Variants in PGM3 observed in about 807,000 individuals in gnomAD.
PGM3 encodes the protein phosphoacetylglucosamine mutase.
A neutral mutation model predicts 66.2 loss-of-function variants in PGM3; 40 were observed. The observed-to-expected ratio is 0.60, with a 90% CI of 0.47 to 0.79. The LOEUF is 0.79. PGM3 is among the 30% of genes least tolerant of loss of function. The probability of loss-of-function intolerance (pLI) is 0.00; values close to 1 mark genes in which losing one functional copy is unlikely to be tolerated. For missense variants in PGM3, 537 were observed against 643.4 expected, an observed-to-expected ratio of 0.83 and a Z score of 1.79; for synonymous variants, 191 against 224.2, an observed-to-expected ratio of 0.85 and a Z score of 1.32.
Position 83,167,700 on chromosome 6 carries a change from G to A in PGM3, c.*1534C>T. On this transcript the variant is annotated 3_prime_UTR_variant, in exon 13 of 13. Transcript: ENST00000513973. ...GTAAAACTAATAAATGGCAGTAAAAGGTCTCAGAAGCACCAAGGGTTTTGA... is the reference window on the plus strand; with the variant it reads ...GTAAAACTAATAAATGGCAGTAAAAAGTCTCAGAAGCACCAAGGGTTTTGA... 2 of 1,389,180 alleles carry A rather than the reference G, an allele frequency of 1.4e-6. No individual in the cohort carries two copies. Among genetic ancestry groups the A allele is most frequent in the East Asian group, 5.2e-5 (2 of 38,290 alleles). The allele number at this position is 1,389,180 out of a possible 1,614,324, so 86.1% of individuals were successfully genotyped here.
At chr6:83,164,405 C>G (rs1356280925), downstream of PGM3, among the ~76,000 whole-genome samples, 2 of 151,812 alleles carry the variant, frequency 1.3e-5, no homozygotes, top group Non-Finnish European at 2.9e-5. Flanking sequence ...AATCCAGAAG[C>G]AAATATGACC....
intron 10 of PGM3, among the ~76,000 whole-genome samples, chr6:83,173,788 G>C (rs1238512262): frequency 6.6e-6 from 1 of 152,180 alleles, no homozygotes; most frequent in Non-Finnish European, 1.5e-5. Context: ...CCAGGCTGGA[G>C]TGCAGTGGCG....
intron 12 of PGM3, chr6:83,169,581 A>C: frequency 4.1e-6 from 2 of 488,330 alleles, no homozygotes; most frequent in South Asian, 2.0e-5. Context: ...ATCATTCCAC[A>C]ACTGAAAAAA....
intron 7 of PGM3, among the ~76,000 whole-genome samples, chr6:83,179,332 TATTAA>T (rs1788008032): frequency 6.6e-6 from 1 of 151,238 alleles, no homozygotes; most frequent in Non-Finnish European, 1.5e-5. Flanking sequence ...AAAAAAAATC[TATTAA>T]ATTCTTAAAG....
downstream of PGM3, among the ~76,000 whole-genome samples, chr6:83,162,332 G>A (rs995795260): frequency 6.6e-5 from 10 of 151,982 alleles, no homozygotes; most frequent in Admixed American, 2.0e-4. Flanking sequence ...TCTTAAATTC[G>A]TTCAATTTTT....
At chr6:83,158,651 C>A (rs1256356017), downstream of PGM3, 10 of 1,517,768 alleles carry the variant, frequency 6.6e-6, no homozygotes, top group African/African-American at 2.8e-5. Context: ...ATATTGTTGT[C>A]CATTTTTTAA....
At chr6:83,170,220 A>G in intron 12 of PGM3, 85 bp downstream of exon 12, 1 of 1,237,278 alleles carries the variant, frequency 8.1e-7, no homozygotes, top group Non-Finnish European at 1.2e-6. Flanking sequence ...TAATCATCAT[A>G]GTGAGATTCT....
chr6:83,186,379 T>A (rs901856675), intron 4 of PGM3, among the ~76,000 whole-genome samples: 1 of 152,134 alleles, frequency 6.6e-6, no homozygotes, highest in Non-Finnish European at 1.5e-5. Context: ...AGACTGACCG[T>A]GCAGGAAGGG....
the PGM3 span, chr6:83,153,532 A>G: frequency 6.2e-7 from 1 of 1,602,774 alleles, no homozygotes; most frequent in Non-Finnish European, 8.5e-7. Flanking sequence ...TCTTTTGGAT[A>G]TGGTTTTCTA....
chr6:83,149,714 C>G, the PGM3 span, among the ~76,000 whole-genome samples: 1 of 151,934 alleles, frequency 6.6e-6, no homozygotes, highest in Non-Finnish European at 1.5e-5. Flanking sequence ...AATTCTATTT[C>G]AAGTGGGAAG....
chr6:83,178,240 C>G (rs1005019172), intron 8 of PGM3, among the ~76,000 whole-genome samples: 1 of 152,180 alleles, frequency 6.6e-6, no homozygotes, highest in Non-Finnish European at 1.5e-5. Context: ...ACTTTTCATA[C>G]CTCTGTGACA....
chr6:83,152,014 A>T, the PGM3 span: 1 of 1,613,968 alleles, frequency 6.2e-7, no homozygotes, highest in Non-Finnish European at 8.5e-7. Context: ...CCAATTTGGA[A>T]TCTGATGTTG....
At position 83,191,178 on chromosome 6, in the gene PGM3, T is replaced by C. The variant is rs1263711095; in HGVS notation, c.-2-164A>G. On this transcript the variant is annotated intron_variant, in intron 1 of 12. Transcript: ENST00000513973. ...GGGCAGGAGAGTAAGTCCTGTGGGT[T>C]AGAATTACCTACAAGATGTTGTCCA... 13 of 1,525,534 alleles carry C rather than the reference T, an allele frequency of 8.5e-6. No homozygotes were observed. The highest frequency in any genetic ancestry group is 1.4e-5 in the African/African-American group (1 of 72,776). 94.5% of individuals were successfully genotyped at this position (1,525,534 alleles called of 1,614,324 possible).
Position 83,167,036 on chromosome 6 carries a change from T to A in PGM3, c.*2198A>T, listed in dbSNP as rs959415682. 1.0e-6 allele frequency: 1 copy of A among 985,348 alleles called. No homozygotes were observed. Among genetic ancestry groups the A allele is most frequent in the African/African-American group, 1.7e-5 (1 of 57,236 alleles). The allele number at this position is 985,348 out of a possible 1,614,324, so 61.0% of individuals were successfully genotyped here. A position where few individuals can be genotyped will look rare whatever the true frequency, so the allele number is the denominator to read the frequency against. On this transcript the variant is annotated 3_prime_UTR_variant, in exon 13 of 13. Coordinates refer to ENST00000513973, the MANE Select transcript of PGM3 (RefSeq NM_015599.3). ...GACAGAATGATGTCTGTAGCTGTGTTTGTGTAATTCAGGTGGCTTCTCAAA... is the reference window on the plus strand; with the variant it reads ...GACAGAATGATGTCTGTAGCTGTGTATGTGTAATTCAGGTGGCTTCTCAAA...
Position 83,170,285 on chromosome 6 carries a change from A to G in PGM3, c.1539+20T>C. 6 of 1,611,574 alleles carry G rather than the reference A, an allele frequency of 3.7e-6. No individual in the cohort carries two copies. The highest frequency in any genetic ancestry group is 1.3e-5 in the African/African-American group (1 of 74,912). On this transcript the variant is annotated intron_variant, in intron 12 of 12. Coordinates refer to ENST00000513973, the MANE Select transcript of PGM3 (RefSeq NM_015599.3). The stretch of plus-strand genomic sequence containing the variant: ...TCACCTAATATTAGGCTCTTTTTCA[A>G]TAGAACTATCCCAGCTTACTTGTGA...
At chr6:83,155,298 CAAAA>C in the PGM3 span, among the ~76,000 whole-genome samples, 5 of 57,782 alleles carry the variant, frequency 8.7e-5, no homozygotes, top group Non-Finnish European at 1.5e-4. Flanking sequence ...CCCAGCTCTA[CAAAA>C]AAAAAAAAAA....
In PGM3 at chr6:83,173,661, A is replaced by T. The variant is rs538984452; in HGVS notation, c.1242+713T>A. On this transcript the variant is annotated intron_variant, in intron 10 of 12. Coordinates refer to ENST00000513973, the MANE Select transcript of PGM3 (RefSeq NM_015599.3). ...TGAATCGCTTTCCTCTACCCTGAGT[A>T]CTGCTTTTCCATAGCCAAACGACAC... 4.6e-5 allele frequency among the ~76,000 whole-genome samples: 7 copies of T among 152,244 alleles called. No homozygotes were observed. In the South Asian group the frequency reaches 1.0e-3, roughly 23 times the overall value.
At chr6:83,163,579 T>A (rs1476358937), downstream of PGM3, among the ~76,000 whole-genome samples, 1 of 152,204 alleles carries the variant, frequency 6.6e-6, no homozygotes, top group African/African-American at 2.4e-5. Flanking sequence ...ATTTTTCACT[T>A]TCTGATTATA....
At chr6:83,180,561 G>A (rs1194862918) in intron 6 of PGM3, among the ~76,000 whole-genome samples, 1 of 152,098 alleles carries the variant, frequency 6.6e-6, no homozygotes, top group African/African-American at 2.4e-5. Flanking sequence ...TTCAACATGA[G>A]ACAACTAAGA....
Sources: allele counts gnomAD v4.1 joint callset (sites outside exome capture counted in the v4.1 genomes callset), GRCh38; gene constraint gnomAD v4.1.1; transcripts MANE v1.5; gene names NCBI Gene and HGNC (gene_info 2026-07-23, HGNC 2026-07-21).